The following FHIT variants were observed in gnomAD, a reference collection of about 807,000 sequenced individuals.
The protein encoded by FHIT is bis(5'-adenosyl)-triphosphatase.
A neutral mutation model predicts 17.9 loss-of-function variants in FHIT; 19 were observed. The ratio of observed to expected loss-of-function variants is 1.06; its 90% CI spans 0.74 to 1.56. The LOEUF is 1.56. Ranked by LOEUF, FHIT falls within the 40% of genes most tolerant of loss-of-function variation. The pLI, the probability that FHIT is intolerant of heterozygous loss-of-function variation, is 0.00. For missense variants in FHIT, 248 were observed against 189.2 expected (o/e 1.31, Z -1.82); for synonymous variants, 81 against 69.7 (o/e 1.16, Z -0.81).
chr3:60,797,911 C>T (rs1188661371), intron 4 of FHIT, among the ~76,000 whole-genome samples: 1 of 151,830 alleles, frequency 6.6e-6, no homozygotes, highest in Non-Finnish European at 1.5e-5. Context: ...TTCTTAAAAA[C>T]ATTAAAAATT....
chr3:60,308,496 GTATATA>G (rs5849349), intron 5 of FHIT, among the ~76,000 whole-genome samples: 3,829 of 140,834 alleles, frequency 0.027, 93 homozygotes, highest in African/African-American at 0.053. Flanking sequence ...AGGTGTATGT[GTATATA>G]TATATATATA....
intron 5 of FHIT, among the ~76,000 whole-genome samples, chr3:60,435,265 T>A (rs559461518): frequency 6.6e-6 from 1 of 152,164 alleles, no homozygotes; most frequent in African/African-American, 2.4e-5. Flanking sequence ...AGTATGCAAA[T>A]AGAGCCACCA....
chr3:61,116,638 T>C (rs564401054), intron 2 of FHIT, among the ~76,000 whole-genome samples: 2 of 152,068 alleles, frequency 1.3e-5, no homozygotes, highest in African/African-American at 4.8e-5. Flanking sequence ...TGGTACATAG[T>C]ATGAGAGAGG....
chr3:60,199,867 G>C (rs1402826083), intron 5 of FHIT, among the ~76,000 whole-genome samples: 1 of 151,996 alleles, frequency 6.6e-6, no homozygotes, highest in Non-Finnish European at 1.5e-5. Context: ...TTCAAACTGG[G>C]GGTGTCAAAC....
At chr3:60,823,796 A>G (rs1293939494) in intron 3 of FHIT, among the ~76,000 whole-genome samples, 1 of 152,180 alleles carries the variant, frequency 6.6e-6, no homozygotes, top group East Asian at 1.9e-4. Flanking sequence ...CAAGGAGATC[A>G]GGAAAGATCT....
intron 7 of FHIT, among the ~76,000 whole-genome samples, chr3:59,945,108 C>G (rs1706734733): frequency 6.6e-6 from 1 of 152,172 alleles, no homozygotes; most frequent in South Asian, 2.1e-4. Flanking sequence ...AACAACCTTC[C>G]ACAATGGCTG....
intron 8 of FHIT, among the ~76,000 whole-genome samples, chr3:59,834,211 G>T (rs959425972): frequency 1.3e-5 from 2 of 152,074 alleles, no homozygotes; most frequent in African/African-American, 4.8e-5. Context: ...TTTACTTTAG[G>T]TGATTTCTGA....
At chr3:59,972,823 T>C (rs1708247333) in intron 7 of FHIT, among the ~76,000 whole-genome samples, 1 of 152,090 alleles carries the variant, frequency 6.6e-6, no homozygotes, top group South Asian at 2.1e-4. Flanking sequence ...TCCTCGAGGT[T>C]CTCTGGAAAA....
At chr3:60,000,094 C>G (rs1204711470) in intron 7 of FHIT, among the ~76,000 whole-genome samples, 1 of 152,196 alleles carries the variant, frequency 6.6e-6, no homozygotes, top group Non-Finnish European at 1.5e-5. Flanking sequence ...CAGTTACCTG[C>G]TTTCTTGTTC....
intron 7 of FHIT, among the ~76,000 whole-genome samples, chr3:59,922,825 T>C (rs534996085): frequency 1.3e-5 from 2 of 152,222 alleles, no homozygotes; most frequent in South Asian, 4.2e-4. Flanking sequence ...AGGTAGCAAG[T>C]AGTATGGGCA....
chr3:61,036,994 C>T (rs563679546), intron 3 of FHIT, among the ~76,000 whole-genome samples: 6 of 150,884 alleles, frequency 4.0e-5, no homozygotes, highest in Non-Finnish European at 7.4e-5. Context: ...TCACTGCAAG[C>T]TCCGCCTCCC....
chr3:60,083,527 T>C (rs1419966377), intron 5 of FHIT, among the ~76,000 whole-genome samples: 2 of 152,146 alleles, frequency 1.3e-5, no homozygotes, highest in South Asian at 2.1e-4. Flanking sequence ...AAAACCTGTA[T>C]ATTGCTTTGG....
intron 5 of FHIT, among the ~76,000 whole-genome samples, chr3:60,214,401 C>T (rs1225921317): frequency 1.3e-5 from 2 of 152,022 alleles, no homozygotes; most frequent in Non-Finnish European, 2.9e-5. Context: ...ACTAAAAAAG[C>T]ATAGTATTCT....
At chr3:60,337,209 G>T (rs1044651373) in intron 5 of FHIT, among the ~76,000 whole-genome samples, 1 of 151,868 alleles carries the variant, frequency 6.6e-6, no homozygotes, top group Non-Finnish European at 1.5e-5. Context: ...CTTTTTTATC[G>T]AAAGGTAGGA....
At chr3:61,025,903 T>C (rs2032707185) in intron 3 of FHIT, among the ~76,000 whole-genome samples, 1 of 152,186 alleles carries the variant, frequency 6.6e-6, no homozygotes, top group Non-Finnish European at 1.5e-5. Context: ...ATTCAGGAAA[T>C]AACAATGGAA....
At chr3:61,219,914 C>A (rs969623861) in intron 1 of FHIT, among the ~76,000 whole-genome samples, 2 of 152,118 alleles carry the variant, frequency 1.3e-5, no homozygotes, top group Non-Finnish European at 2.9e-5. Flanking sequence ...TCATCTTATC[C>A]CAGTAGAAAC....
At chr3:59,867,382 GA>G (rs2106881046) in intron 8 of FHIT, among the ~76,000 whole-genome samples, 1 of 151,700 alleles carries the variant, frequency 6.6e-6, no homozygotes, top group Non-Finnish European at 1.5e-5. Flanking sequence ...GCATTACAGT[GA>G]AAGTAATTTA....
At chr3:59,777,380 A>G (rs1026309129) in intron 8 of FHIT, among the ~76,000 whole-genome samples, 1 of 152,070 alleles carries the variant, frequency 6.6e-6, no homozygotes, top group Non-Finnish European at 1.5e-5. Context: ...CCAAAGATAA[A>G]AAAAAAACCC....
At chr3:60,562,834 T>C (rs888439511) in intron 4 of FHIT, among the ~76,000 whole-genome samples, 1 of 152,170 alleles carries the variant, frequency 6.6e-6, no homozygotes. Context: ...CAGTCATTCC[T>C]TTGTTTATTT....
Sources: allele counts gnomAD v4.1 joint callset (sites outside exome capture counted in the v4.1 genomes callset), GRCh38; gene constraint gnomAD v4.1.1; transcripts MANE v1.5; gene names NCBI Gene and HGNC (gene_info 2026-07-23, HGNC 2026-07-21).